Variants in GLB1L3 observed in about 807,000 individuals in gnomAD.
GLB1L3 encodes the protein beta-galactosidase-1-like protein 3.
In GLB1L3, 89 loss-of-function variants were observed where a neutral mutation model predicts 89.5. The observed-to-expected ratio is 0.99, with a 90% confidence interval of 0.84 to 1.19. GLB1L3 has a LOEUF of 1.19. Ranked by LOEUF, GLB1L3 falls within the 50% of genes most tolerant of loss-of-function variation. GLB1L3 has a pLI of 0.00. For synonymous variants in GLB1L3, 314 were observed against 312.3 expected, an observed-to-expected ratio of 1.01 and a Z score of -0.06; for missense variants, 812 against 813.3, an observed-to-expected ratio of 1.00 and a Z score of 0.02.
At chr11:134,310,691 A>C in intron 12 of GLB1L3, 40 bp downstream of exon 12, 2 of 1,445,216 alleles carry the variant, frequency 1.4e-6, no homozygotes, top group Non-Finnish European at 1.9e-6. Context: ...AGCCCTCCTC[A>C]TGTGGAGTCT....
intron 9 of GLB1L3, among the ~76,000 whole-genome samples, chr11:134,296,453 C>A (rs1941643709): frequency 7.7e-6 from 1 of 130,148 alleles, no homozygotes; most frequent in Non-Finnish European, 1.6e-5. Context: ...AAATGTCCAA[C>A]AATGATAGAC....
intron 1 of GLB1L3, 54 bp downstream of exon 1, chr11:134,276,817 G>A: frequency 7.4e-7 from 1 of 1,348,314 alleles, no homozygotes; most frequent in Non-Finnish European, 9.5e-7. Flanking sequence ...CGCGTGCCCG[G>A]GAGCCTCCAC....
At chr11:134,321,243 T>C (rs191313202), downstream of GLB1L3, among the ~76,000 whole-genome samples, 27 of 152,302 alleles carry the variant, frequency 1.8e-4, no homozygotes, top group East Asian at 3.7e-3. Context: ...TTCTCAGATA[T>C]TAACTTTAGA....
intron 1 of GLB1L3, 82 bp downstream of exon 1, chr11:134,276,845 G>A: frequency 8.3e-7 from 1 of 1,205,260 alleles, no homozygotes; most frequent in Non-Finnish European, 1.1e-6. Flanking sequence ...GGGTTCTGTG[G>A]CCGGCCACGC....
chr11:134,311,339 G>T (rs1942725517), intron 13 of GLB1L3, 169 bp downstream of exon 13: 2 of 629,784 alleles, frequency 3.2e-6, no homozygotes, highest in Non-Finnish European at 2.8e-6. Context: ...ACTGTGAAGG[G>T]GTTTGACCTT....
rs540536801 is a variant in GLB1L3 at position 134,301,232 on chromosome 11, T to C, written c.877-5892T>C. On this transcript the variant is annotated intron_variant, in intron 9 of 19. Transcript: ENST00000431683. Reference sequence around the variant, plus strand: ...TTGCTCTGTGACCTAGGTTCTCTGATGGACCCAAGAAGCCATGAATTTACA... The same window carrying C: ...TTGCTCTGTGACCTAGGTTCTCTGACGGACCCAAGAAGCCATGAATTTACA... Among the ~76,000 whole-genome samples, 149 of 152,310 alleles carry C rather than the reference T, an allele frequency of 9.8e-4. 6 individuals are homozygous for C. In the South Asian group the frequency reaches 0.03, roughly 30 times the overall value.
chr11:134,314,388 T>G lies in GLB1L3; in HGVS notation c.1726T>G (p.Cys576Gly). Residue 576 changes from cysteine to glycine, a missense_variant, in exon 18 of 20, where the codon TGT (cysteine) becomes GGT (glycine). Cys to Gly is a radical substitution (Grantham distance 159, BLOSUM62 -3). Coordinates refer to ENST00000431683, the MANE Select transcript of GLB1L3 (RefSeq NM_001080407.3). ...CAGCCACCAGGGCCCGGCCTTCTAC[T>G]GTGGGACCTTGAAGGCTGGCCCTTC... ...PDSHQGPAFYCGTLKAGPSPK... is the reference protein window; with the variant it reads ...PDSHQGPAFYGGTLKAGPSPK... The G allele has an allele frequency of 1.3e-6, 2 of 1,551,684 alleles. No homozygotes were observed. Among genetic ancestry groups the G allele is most frequent in the Non-Finnish European group, 1.7e-6 (2 of 1,146,998 alleles).
chr11:134,318,651 G>T lies in GLB1L3; in HGVS notation c.1800G>T (p.Val600=). 1 of 1,608,746 alleles carries T rather than the reference G, an allele frequency of 6.2e-7. No individual in the cohort carries two copies. Among genetic ancestry groups the T allele is most frequent in the Non-Finnish European group, 8.5e-7 (1 of 1,175,718 alleles). ...LSLLNWNYGF[V]FINGRNLGRY... ...TTCAGAACTGGAATTATGGATTTGTGTTCATCAATGGACGTAACCTTGGGC... is the reference window on the plus strand; with the variant it reads ...TTCAGAACTGGAATTATGGATTTGTTTTCATCAATGGACGTAACCTTGGGC... The change falls in exon 19 of 20, where the codon GTG becomes GTT. Residue 600 remains valine (V), a synonymous_variant. Coordinates refer to ENST00000431683, the MANE Select transcript of GLB1L3 (RefSeq NM_001080407.3).
intron 10 of GLB1L3, 133 bp from the exon 11 acceptor site, chr11:134,309,493 T>C (rs493501): frequency 0.16 from 73,890 of 452,690 alleles, 6,858 homozygotes; most frequent in Middle Eastern, 0.2. Context: ...TTCCCAAGAA[T>C]GTATATAGCC....
At chr11:134,318,830 T>G (rs1943089917) in intron 19 of GLB1L3, 47 bp from the exon 20 acceptor site, 2 of 1,569,440 alleles carry the variant, frequency 1.3e-6, no homozygotes, top group African/African-American at 2.7e-5. Flanking sequence ...CAACCTGTAC[T>G]AAATAGGCTT....
At chr11:134,324,245 C>G (rs1310532406), downstream of GLB1L3, among the ~76,000 whole-genome samples, 1 of 152,094 alleles carries the variant, frequency 6.6e-6, no homozygotes, top group Non-Finnish European at 1.5e-5. Flanking sequence ...TTCTGCATGC[C>G]CAAATATCTG....
downstream of GLB1L3, among the ~76,000 whole-genome samples, chr11:134,319,794 G>A (rs999900052): frequency 3.3e-5 from 5 of 151,660 alleles, no homozygotes; most frequent in Admixed American, 6.6e-5. Context: ...GTAGGGGAAA[G>A]GAGAGGGCAA....
In GLB1L3 at chr11:134,293,205, T is replaced by C. The variant is rs369076850; in HGVS notation, c.872T>C (p.Val291Ala). Residue 291 changes from valine (V) to alanine (A), a missense_variant, in exon 9 of 20, where the codon GTC becomes GCC. Coordinates refer to ENST00000431683, the MANE Select transcript of GLB1L3 (RefSeq NM_001080407.3). ...HQDTFNQLHK[V>A]QRDKPLLIME... ...GATACTTTCAATCAGCTTCATAAAG[T>C]CCAGGTAAGACATTTCAGACAGGCA... The C allele has an allele frequency of 7.7e-5, 124 of 1,613,286 alleles. No homozygotes were observed. Among genetic ancestry groups the C allele is most frequent in the Non-Finnish European group, 9.8e-5 (116 of 1,179,430 alleles).
intron 3 of GLB1L3, among the ~76,000 whole-genome samples, chr11:134,278,611 ACTG>A (rs1940514677): frequency 6.6e-6 from 1 of 152,044 alleles, no homozygotes; most frequent in South Asian, 2.1e-4. Flanking sequence ...AAAAAGCAAA[ACTG>A]CTCCAGAATC....
chr11:134,291,409 G>A (rs746934708), intron 7 of GLB1L3, among the ~76,000 whole-genome samples: 11 of 151,636 alleles, frequency 7.3e-5, no homozygotes, highest in African/African-American at 1.2e-4. Flanking sequence ...ACAGGTATGC[G>A]CCACCACACC....
intron 12 of GLB1L3, 185 bp from the exon 13 acceptor site, chr11:134,310,879 A>T (rs548378): frequency 3.2e-6 from 2 of 627,210 alleles, no homozygotes; most frequent in Non-Finnish European, 5.7e-6. Context: ...AAGCATAAAG[A>T]TAGTAACCTT....
chr11:134,280,692 A>G (rs761489568), intron 3 of GLB1L3, among the ~76,000 whole-genome samples: 15 of 152,170 alleles, frequency 9.9e-5, no homozygotes, highest in Non-Finnish European at 1.8e-4. Flanking sequence ...GGCCATGATT[A>G]GTATGTCTTC....
At chr11:134,277,946 T>C in intron 3 of GLB1L3, 34 bp downstream of exon 3, 1 of 1,605,474 alleles carries the variant, frequency 6.2e-7, no homozygotes, top group Middle Eastern at 1.7e-4. Flanking sequence ...AGGATCTCGT[T>C]ACCCTACAAG....
At chr11:134,322,956 G>A (rs756433903), downstream of GLB1L3, among the ~76,000 whole-genome samples, 21 of 152,070 alleles carry the variant, frequency 1.4e-4, no homozygotes, top group East Asian at 1.9e-4. Context: ...TGGGTCATAC[G>A]GTAATTCTGT....
Sources: gnomAD v4.1 joint callset for allele counts (sites outside exome capture counted in the v4.1 genomes callset) on GRCh38, gnomAD v4.1.1 for gene constraint, MANE v1.5 for transcripts, NCBI Gene and HGNC (gene_info 2026-07-23, HGNC 2026-07-21) for gene names.